KIF5B: variants seen among roughly 807,000 people sequenced by gnomAD.
KIF5B encodes kinesin family member 5B.
In KIF5B, 49 loss-of-function variants were observed where a neutral mutation model predicts 132.8. The ratio of observed to expected loss-of-function variants is 0.37; its 90% confidence interval spans 0.29 to 0.47. The LOEUF (loss-of-function observed/expected upper bound fraction) is 0.47. KIF5B is among the 20% of genes least tolerant of loss of function. The pLI, the probability that KIF5B is intolerant of heterozygous loss-of-function variation, is 1.00. For synonymous variants in KIF5B, 355 were observed against 369.4 expected, an observed-to-expected ratio of 0.96 and a Z score of 0.45; for missense variants, 780 against 1,144.0, an observed-to-expected ratio of 0.68 and a Z score of 4.59.
intron 12 of KIF5B, among the ~76,000 whole-genome samples, 164 bp downstream of exon 12, chr10:32,033,677 ACTTT>A (rs1276053913): frequency 2.6e-5 from 4 of 152,214 alleles, no homozygotes; most frequent in Non-Finnish European, 5.9e-5. Context: ...TGAAATTATG[ACTTT>A]TTATTTTGTT....
chr10:32,024,241 G>A (rs1308655013), intron 15 of KIF5B, among the ~76,000 whole-genome samples: 5 of 121,110 alleles, frequency 4.1e-5, no homozygotes, highest in African/African-American at 1.5e-4. Flanking sequence ...TGCAAGCTCC[G>A]CCTCCCGGGT....
chr10:32,025,529 C>A (rs571418758), intron 15 of KIF5B, among the ~76,000 whole-genome samples: 14 of 152,288 alleles, frequency 9.2e-5, no homozygotes, highest in African/African-American at 3.1e-4. Flanking sequence ...GCGTGCACCA[C>A]TATGCCTGGC....
In KIF5B at chr10:32,027,640, G is replaced by T. The variant is rs574921842; in HGVS notation, c.1725+788C>A. ...TTTTTTTTTTTTTTTTTCCAGATAGGGTCTCACTGTTGCTCAGGCTGGAGT... is the reference window on the plus strand; with the variant it reads ...TTTTTTTTTTTTTTTTTCCAGATAGTGTCTCACTGTTGCTCAGGCTGGAGT... On this transcript the variant is annotated intron_variant, in intron 15 of 25. Coordinates refer to ENST00000302418, the MANE Select transcript of KIF5B (RefSeq NM_004521.3). 6.1e-5 allele frequency among the ~76,000 whole-genome samples: 9 copies of T among 148,040 alleles called. No individual in the cohort carries two copies. In the South Asian group the frequency reaches 1.7e-3, roughly 28 times the overall value.
chr10:32,041,907 T>C lies in KIF5B; in HGVS notation c.215-1450A>G, dbSNP rs1245511868. On this transcript the variant is annotated intron_variant, in intron 2 of 25. Coordinates refer to ENST00000302418, the MANE Select transcript of KIF5B (RefSeq NM_004521.3). ...TCACAAAGTGCTGGGATTACAGGCC[T>C]AAGTAAGCCCCTGCACCTGACCCTC... Among the ~76,000 whole-genome samples the C allele has an allele frequency of 2.0e-5, 3 of 152,152 alleles. 1 individual carries two copies. The highest frequency in any genetic ancestry group is 4.4e-5 in the Non-Finnish European group (3 of 68,014).
At position 32,048,559 on chromosome 10, in the gene KIF5B, AC is replaced by A; in HGVS notation, c.127-9del. 1 of 1,606,604 alleles carries A rather than the reference AC, an allele frequency of 6.2e-7. No individual in the cohort carries two copies. The highest frequency in any genetic ancestry group is 2.2e-5 in the East Asian group (1 of 44,766). Reference sequence around the variant, plus strand: ...AAATGCATAAGGCTTGGACTGAAAAACAAAAAAGTGTTTCAACTATACAAAT... The same window carrying A: ...AAATGCATAAGGCTTGGACTGAAAAAAAAAAAGTGTTTCAACTATACAAAT... On this transcript the variant is annotated splice_polypyrimidine_tract_variant and intron_variant, in intron 1 of 25. Transcript: ENST00000302418.
chr10:32,028,600 T>C, intron 14 of KIF5B, 29 bp from the exon 15 acceptor site: 1 of 1,576,218 alleles, frequency 6.3e-7, no homozygotes, highest in Non-Finnish European at 8.7e-7. Flanking sequence ...AAAAGTATAG[T>C]TAAATCTACT....
rs763941400 is a variant in KIF5B at position 32,021,093 on chromosome 10, A to G, written c.2133T>C (p.Thr711=). The G allele has an allele frequency of 6.2e-6, 10 of 1,613,678 alleles. No homozygotes were observed. The East Asian group carries it at 1.8e-4, about 29-fold the overall frequency. Residue 711 remains threonine, a synonymous_variant, in exon 19 of 26, where the codon ACT becomes ACC. Transcript: ENST00000302418. ...VEQQIQSHRE[T]HQKQISSLRD... is the part of the protein sequence containing the mutation. The stretch of plus-strand genomic sequence containing the variant: ...TCAAACTACTGATCTGTTTTTGATG[A>G]GTTTCTCTATGGCTCTGGATCTGCT...
At chr10:32,027,630 TTC>T (rs1436357503) in intron 15 of KIF5B, among the ~76,000 whole-genome samples, 4 of 151,474 alleles carry the variant, frequency 2.6e-5, no homozygotes, top group African/African-American at 7.3e-5. Flanking sequence ...TTTTTTTTTT[TTC>T]CAGATAGGGT....
rs181587282 is a variant in KIF5B, at chr10:32,049,107, G to A, written c.127-556C>T. On this transcript the variant is annotated intron_variant, in intron 1 of 25. Transcript: ENST00000302418. ...GCCTCCCCAAGTGCTCGGATTACAG[G>A]TGTGAACCACCATGCCTGTCCTGCA... Among the ~76,000 whole-genome samples, 10 of 152,268 alleles carry A rather than the reference G, an allele frequency of 6.6e-5. No individual in the cohort carries two copies. The East Asian group carries it at 1.9e-3, about 29-fold the overall frequency.
intron 11 of KIF5B, 33 bp from the exon 12 acceptor site, chr10:32,034,071 A>C: frequency 7.4e-7 from 1 of 1,355,508 alleles, no homozygotes; most frequent in Non-Finnish European, 1.0e-6. Context: ...TTAATAAAAA[A>C]ACGACGTCTA....
chr10:32,019,712 A>G, intron 20 of KIF5B, 146 bp downstream of exon 20: 1 of 541,644 alleles, frequency 1.8e-6, no homozygotes, highest in South Asian at 2.8e-5. Context: ...TTTAGATATA[A>G]ATCAAACCAA....
Position 32,009,353 on chromosome 10 carries a change from A to G in KIF5B, c.*2184T>C, listed in dbSNP as rs1187757215. On this transcript the variant is annotated 3_prime_UTR_variant, in exon 26 of 26. Transcript: ENST00000302418. ...AGGAACGTTAATATATCCAGTCAAA[A>G]AGACACTGCAAATTGAAATGTGTCA... is the stretch of plus-strand genomic sequence containing the variant. 2.0e-5 allele frequency: 3 copies of G among 152,214 alleles called. No individual in the cohort carries two copies. In the South Asian group the frequency reaches 6.2e-4, roughly 32 times the overall value. The allele number at this position is 152,214 out of a possible 1,614,324, so 9.4% of individuals were successfully genotyped here.
chr10:32,017,503 G>A, intron 23 of KIF5B, 144 bp from the exon 24 acceptor site: 1 of 657,470 alleles, frequency 1.5e-6, no homozygotes, highest in Admixed American at 2.7e-5. Context: ...AAACACGCAA[G>A]GAATACATCC....
chr10:32,027,613 CTTTTTTT>C (rs34452497), intron 15 of KIF5B, among the ~76,000 whole-genome samples: 1 of 134,968 alleles, frequency 7.4e-6, no homozygotes, highest in Non-Finnish European at 1.6e-5. Context: ...CTGAGCTAAT[CTTTTTTT>C]TTTTTTTTTT....
At chr10:32,012,259 G>A (rs944179397) in intron 25 of KIF5B, among the ~76,000 whole-genome samples, 4 of 152,106 alleles carry the variant, frequency 2.6e-5, no homozygotes, top group African/African-American at 7.2e-5. Context: ...GATCACCTGC[G>A]GTCAGGAGTT....
At chr10:32,050,238 A>T (rs886250866) in intron 1 of KIF5B, among the ~76,000 whole-genome samples, 2 of 152,192 alleles carry the variant, frequency 1.3e-5, no homozygotes, top group Admixed American at 1.3e-4. Flanking sequence ...AATGAACCAG[A>T]CACTCCTAAA....
intron 21 of KIF5B, 53 bp downstream of exon 21, chr10:32,018,449 G>GA (rs1163991070): frequency 9.4e-6 from 15 of 1,591,136 alleles, no homozygotes; most frequent in East Asian, 2.2e-5. Context: ...AATCATGGTA[G>GA]AAAAAACCCA....
intron 5 of KIF5B, 72 bp downstream of exon 5, chr10:32,038,702 GAAAT>G: frequency 1.1e-6 from 1 of 886,450 alleles, no homozygotes; most frequent in Non-Finnish European, 1.8e-6. Flanking sequence ...AGGTTACAAA[GAAAT>G]AGTCTCACAT....
intron 20 of KIF5B, among the ~76,000 whole-genome samples, 158 bp from the exon 21 acceptor site, chr10:32,018,720 CA>C (rs112190132): frequency 2.6e-4 from 39 of 150,408 alleles, no homozygotes; most frequent in East Asian, 2.0e-3. Context: ...TGCTGTCTTT[CA>C]AAAAAAAAAT....
Sources: gnomAD v4.1 joint callset for allele counts (sites outside exome capture counted in the v4.1 genomes callset) on GRCh38, gnomAD v4.1.1 for gene constraint, MANE v1.5 for transcripts, NCBI Gene and HGNC (gene_info 2026-07-23, HGNC 2026-07-21) for gene names.